Variants in TRPM7 observed in about 807,000 individuals in gnomAD.
The protein encoded by TRPM7 is transient receptor potential cation channel subfamily M member 7.
Under a neutral mutation model 229.7 loss-of-function variants are expected in TRPM7, and 134 were observed. The ratio of observed to expected loss-of-function variants is 0.58; its 90% CI spans 0.51 to 0.67. The LOEUF (loss-of-function observed/expected upper bound fraction) is 0.67. Ranked by LOEUF, TRPM7 falls within the 30% of genes least tolerant of loss-of-function variation. The probability of loss-of-function intolerance (pLI) is 0.00; values close to 1 mark genes in which losing one functional copy is unlikely to be tolerated. For synonymous variants in TRPM7, 699 were observed against 715.2 expected, an observed-to-expected ratio of 0.98 and a Z score of 0.36; for missense variants, 1,901 against 2,210.0, an observed-to-expected ratio of 0.86 and a Z score of 2.80.
intron 3 of TRPM7, among the ~76,000 whole-genome samples, chr15:50,652,742 C>G (rs75858935): frequency 6.6e-6 from 1 of 151,890 alleles, no homozygotes; most frequent in Non-Finnish European, 1.5e-5. Context: ...AAAACCAGCC[C>G]GTAATTCCAG....
intron 30 of TRPM7, among the ~76,000 whole-genome samples, chr15:50,580,326 A>G (rs1048885084): frequency 6.6e-6 from 1 of 152,176 alleles, no homozygotes; most frequent in African/African-American, 2.4e-5. Flanking sequence ...ATATGTACTA[A>G]AAAGTTTTAC....
At chr15:50,624,016 C>G (rs2060491914) in intron 12 of TRPM7, 150 bp downstream of exon 12, 1 of 752,618 alleles carries the variant, frequency 1.3e-6, no homozygotes, top group South Asian at 2.7e-5. Context: ...GACTGTAATA[C>G]AACCAATCCA....
rs376280149 is a variant in TRPM7, at chr15:50,658,351, T to C, written c.84-532A>G. On this transcript the variant is annotated intron_variant, in intron 2 of 38. Transcript: ENST00000646667. ...CAACACTCTGGGAGGCACAGGTGAA[T>C]TGCTTGAGTCCAGGAGTTTAAGATC... Among the ~76,000 whole-genome samples the C allele has an allele frequency of 5.6e-4, 85 of 151,982 alleles. 1 individual carries two copies. The South Asian group carries it at 9.4e-3, about 17-fold the overall frequency.
At chr15:50,569,629 A>G (rs2053773865) in intron 38 of TRPM7, among the ~76,000 whole-genome samples, 1 of 152,218 alleles carries the variant, frequency 6.6e-6, no homozygotes, top group Non-Finnish European at 1.5e-5. Context: ...GTCTGGTTCA[A>G]TATTCTACTT....
chr15:50,664,025 T>C (rs1402348715), intron 1 of TRPM7, among the ~76,000 whole-genome samples: 1 of 151,832 alleles, frequency 6.6e-6, no homozygotes. Context: ...TTTGGCCGCG[T>C]GCGGTGGCTC....
chr15:50,610,741 A>C (rs2060043362), intron 17 of TRPM7, among the ~76,000 whole-genome samples: 1 of 152,158 alleles, frequency 6.6e-6, no homozygotes, highest in African/African-American at 2.4e-5. Context: ...AGATTATTAA[A>C]TTAGTAGATA....
intron 13 of TRPM7, among the ~76,000 whole-genome samples, chr15:50,614,837 T>C (rs1193099203): frequency 6.6e-6 from 1 of 151,966 alleles, no homozygotes; most frequent in Non-Finnish European, 1.5e-5. Context: ...AGCAGGAAGA[T>C]AACAATTTCA....
chr15:50,669,105 C>T (rs568302617), intron 1 of TRPM7, among the ~76,000 whole-genome samples: 2 of 152,082 alleles, frequency 1.3e-5, no homozygotes, highest in Non-Finnish European at 2.9e-5. Flanking sequence ...TTACCCAATA[C>T]ATAAAGGTAT....
chr15:50,607,460 T>G, intron 19 of TRPM7, 132 bp from the exon 20 acceptor site: 2 of 734,082 alleles, frequency 2.7e-6, no homozygotes, highest in South Asian at 4.8e-5. Context: ...TTTCCTTTAT[T>G]AAAACAATTT....
chr15:50,668,731 C>T (rs1238136720), intron 1 of TRPM7, among the ~76,000 whole-genome samples: 1 of 152,188 alleles, frequency 6.6e-6, no homozygotes, highest in Non-Finnish European at 1.5e-5. Context: ...TGGTCTCAAA[C>T]TCCTGACATC....
chr15:50,565,089 C>T (rs549560751), intron 38 of TRPM7, among the ~76,000 whole-genome samples: 3 of 151,862 alleles, frequency 2.0e-5, no homozygotes, highest in African/African-American at 7.3e-5. Flanking sequence ...TCAAGCAATT[C>T]GCCTGCCTCA....
At position 50,589,705 on chromosome 15, in the gene TRPM7, A is replaced by G. The variant is rs1468069371; in HGVS notation, c.4325-49T>C. On this transcript the variant is annotated intron_variant, in intron 26 of 38. Transcript: ENST00000646667. Reference sequence around the variant, plus strand: ...CAATGAGAAATTTTTATTTTTCTTCACCGAAATAATGGCACTGCTTAAAGT... The same window carrying G: ...CAATGAGAAATTTTTATTTTTCTTCGCCGAAATAATGGCACTGCTTAAAGT... The G allele has an allele frequency of 2.3e-6, 3 of 1,299,484 alleles. No homozygotes were observed. In the African/African-American group the frequency reaches 4.5e-5, roughly 19 times the overall value. The allele number at this position is 1,299,484 out of a possible 1,614,324, so 80.5% of individuals were successfully genotyped here. A position where few individuals can be genotyped will look rare whatever the true frequency, so the allele number is the denominator to read the frequency against.
chr15:50,676,234 GC>G (rs1477273143), intron 1 of TRPM7, among the ~76,000 whole-genome samples: 1 of 152,114 alleles, frequency 6.6e-6, no homozygotes, highest in Non-Finnish European at 1.5e-5. Flanking sequence ...GATGCTGCTA[GC>G]AAAAATTGGG....
chr15:50,619,513 A>G (rs1159132224), intron 13 of TRPM7, among the ~76,000 whole-genome samples: 1 of 152,030 alleles, frequency 6.6e-6, no homozygotes, highest in Non-Finnish European at 1.5e-5. Context: ...TGAGCCACCC[A>G]TGCCCAGCCT....
At chr15:50,670,524 A>T (rs1467449262) in intron 1 of TRPM7, among the ~76,000 whole-genome samples, 1 of 152,192 alleles carries the variant, frequency 6.6e-6, no homozygotes, top group African/African-American at 2.4e-5. Context: ...CCATACTAAA[A>T]GACACTCTAA....
At chr15:50,618,284 T>A (rs150018499) in intron 13 of TRPM7, among the ~76,000 whole-genome samples, 1,854 of 152,220 alleles carry the variant, frequency 0.012, 25 homozygotes, top group South Asian at 0.046. Flanking sequence ...TGTTTTTTAC[T>A]TTTAAAAAAG....
Position 50,614,180 on chromosome 15 carries a change from G to A in TRPM7, c.1578C>T (p.Cys526=), listed in dbSNP as rs760989374. Residue 526 remains cysteine (C), a synonymous_variant, in exon 14 of 39, where the codon TGC becomes TGT. Coordinates refer to ENST00000646667, the MANE Select transcript of TRPM7 (RefSeq NM_017672.6). ...ATCGAAAACGTTTCCTAGTATAGGT[G>A]CATCTGTAGGTTCCTCCCATGAGAT... ...IEYLMGGTYR[C]TYTRKRFRLI... is the part of the protein sequence containing the mutation. The A allele has an allele frequency of 1.9e-6, 3 of 1,612,872 alleles. No individual in the cohort carries two copies. The highest frequency in any genetic ancestry group is 2.5e-6 in the Non-Finnish European group (3 of 1,179,256).
rs34929085 is a variant in TRPM7, at chr15:50,599,251, G to A, written c.3034C>T (p.Leu1012Phe). 5.0e-5 allele frequency: 80 copies of A among 1,613,054 alleles called. No individual in the cohort carries two copies. The highest frequency in any genetic ancestry group is 5.8e-5 in the Non-Finnish European group (68 of 1,179,370). ...YIVVIMALVL[L>F]SFGVPRKAIL... The stretch of plus-strand genomic sequence containing the variant: ...GCCTTTCTGGGAACACCAAAACTAA[G>A]TAATACAAGAGCCATAATCACTACA... Residue 1012 changes from leucine to phenylalanine, a missense_variant, in exon 22 of 39, where the codon CTT (leucine) becomes TTT (phenylalanine). Coordinates refer to ENST00000646667, the MANE Select transcript of TRPM7 (RefSeq NM_017672.6).
intron 21 of TRPM7, among the ~76,000 whole-genome samples, chr15:50,601,838 A>G (rs2059789063): frequency 6.6e-6 from 1 of 151,920 alleles, no homozygotes; most frequent in African/African-American, 2.4e-5. Flanking sequence ...CTTTTGCACT[A>G]GCCTATAAAG....
Sources: gnomAD v4.1 joint callset for allele counts (sites outside exome capture counted in the v4.1 genomes callset) on GRCh38, gnomAD v4.1.1 for gene constraint, MANE v1.5 for transcripts, NCBI Gene and HGNC (gene_info 2026-07-23, HGNC 2026-07-21) for gene names.